Variants in ZHX3 observed in about 807,000 individuals in gnomAD.
ZHX3 encodes the protein zinc fingers and homeoboxes protein 3.
Under a neutral mutation model 64.5 loss-of-function variants are expected in ZHX3, and 20 were observed. That is an observed-to-expected ratio of 0.31 (90% CI 0.22 to 0.45). The LOEUF is 0.45. ZHX3 is among the 20% of genes least tolerant of loss of function. The pLI is 1.00. For missense variants in ZHX3, 1,041 were observed against 1,195.8 expected (o/e 0.87, Z 1.91); for synonymous variants, 423 against 461.6 (o/e 0.92, Z 1.07).
chr20:41,178,651 C>T lies in ZHX3; in HGVS notation c.*6540G>A, dbSNP rs1299841607. On this transcript the variant is annotated 3_prime_UTR_variant, in exon 4 of 4. Coordinates refer to ENST00000683867, the MANE Select transcript of ZHX3 (RefSeq NM_001384317.1). ...ACCTCGTGAGGCCTGGAGATTCAGC[C>T]CCAAGAGGGCAACCCCACTCCTGCC... 1.3e-5 allele frequency: 2 copies of T among 152,646 alleles called. No homozygotes were observed. The highest frequency in any genetic ancestry group is 4.8e-5 in the African/African-American group (2 of 41,456). 9.5% of individuals were successfully genotyped at this position (152,646 alleles called of 1,614,324 possible). A position where few individuals can be genotyped will look rare whatever the true frequency, so the allele number is the denominator to read the frequency against.
chr20:41,309,585 C>T (rs759762044), intron 1 of ZHX3, among the ~76,000 whole-genome samples: 1 of 152,104 alleles, frequency 6.6e-6, no homozygotes, highest in Non-Finnish European at 1.5e-5. Flanking sequence ...GGGCCATGGC[C>T]GACTCCTTCC....
At chr20:41,197,570 G>A (rs1315466005) in intron 3 of ZHX3, among the ~76,000 whole-genome samples, 2 of 151,506 alleles carry the variant, frequency 1.3e-5, no homozygotes, top group East Asian at 1.9e-4. Flanking sequence ...TATCTAACAT[G>A]AGTCTCTTAA....
At chr20:41,196,416 TA>T (rs1490328746) in intron 3 of ZHX3, among the ~76,000 whole-genome samples, 7 of 48,432 alleles carry the variant, frequency 1.4e-4, no homozygotes, top group Middle Eastern at 9.4e-3. Flanking sequence ...ATATTATATA[TA>T]ATATATATTT....
At chr20:41,313,806 C>G (rs544110014) in intron 1 of ZHX3, among the ~76,000 whole-genome samples, 3 of 152,264 alleles carry the variant, frequency 2.0e-5, no homozygotes, top group Non-Finnish European at 4.4e-5. Context: ...CCGTGTTAGC[C>G]AGGATGGTCT....
rs180702078 is a variant in ZHX3 at position 41,255,741 on chromosome 20, A to C, written c.-151+13249T>G. 3.5e-4 allele frequency among the ~76,000 whole-genome samples: 53 copies of C among 152,326 alleles called. 2 individuals carry two copies. In the East Asian group the frequency reaches 4.2e-3, roughly 12 times the overall value. On this transcript the variant is annotated intron_variant, in intron 2 of 3. Transcript: ENST00000683867. ...TTAGTGCCACTCTAGTTGTTTCACT[A>C]CTTTGAGGTTACAACTTGGAATCTG...
intron 2 of ZHX3, among the ~76,000 whole-genome samples, chr20:41,258,253 GC>G (rs2042371710): frequency 6.6e-6 from 1 of 152,126 alleles, no homozygotes; most frequent in Non-Finnish European, 1.5e-5. Flanking sequence ...CAGAAAAGTT[GC>G]AAAAATCGTA....
At chr20:41,280,720 A>C (rs918764107) in intron 1 of ZHX3, among the ~76,000 whole-genome samples, 1 of 152,184 alleles carries the variant, frequency 6.6e-6, no homozygotes, top group Non-Finnish European at 1.5e-5. Flanking sequence ...CCAGGCCAAA[A>C]AAATTTCTTA....
intron 1 of ZHX3, among the ~76,000 whole-genome samples, chr20:41,295,712 G>A (rs992394991): frequency 1.3e-5 from 2 of 152,050 alleles, no homozygotes; most frequent in Non-Finnish European, 2.9e-5. Context: ...TTAGCCAGGC[G>A]TGGTAGCGGG....
chr20:41,230,698 T>C (rs572993059), intron 2 of ZHX3, among the ~76,000 whole-genome samples: 16 of 152,372 alleles, frequency 1.1e-4, no homozygotes, highest in Non-Finnish European at 2.2e-4. Flanking sequence ...TTAATTTGAC[T>C]TGTGTTTCTT....
chr20:41,218,778 G>T (rs796075300), intron 2 of ZHX3, among the ~76,000 whole-genome samples: 1 of 152,268 alleles, frequency 6.6e-6, no homozygotes, highest in African/African-American at 2.4e-5. Context: ...ATCCTCAAAT[G>T]TCAAAGCAAT....
At chr20:41,263,128 ATAAAT>A (rs2042643029) in intron 2 of ZHX3, among the ~76,000 whole-genome samples, 1 of 152,190 alleles carries the variant, frequency 6.6e-6, no homozygotes, top group Non-Finnish European at 1.5e-5. Flanking sequence ...AATAGCAATA[ATAAAT>A]TAAAGAGTAT....
intron 2 of ZHX3, among the ~76,000 whole-genome samples, chr20:41,260,815 A>C (rs184431600): frequency 1.3e-5 from 2 of 152,360 alleles, no homozygotes; most frequent in East Asian, 3.9e-4. Context: ...TTTACAGATG[A>C]GAAAATTGAG....
At chr20:41,267,520 T>C (rs991439791) in intron 2 of ZHX3, 4 of 152,206 alleles carry the variant, frequency 2.6e-5, no homozygotes, top group African/African-American at 7.2e-5. Context: ...TTGCCCTCAA[T>C]GAGGATTTCA....
intron 2 of ZHX3, among the ~76,000 whole-genome samples, chr20:41,267,256 G>A (rs2042908115): frequency 1.4e-5 from 2 of 138,148 alleles, no homozygotes; most frequent in Admixed American, 1.4e-4. Flanking sequence ...TCCTAAAGTG[G>A]CTATAAATTA....
At chr20:41,296,422 G>C (rs1474192225) in intron 1 of ZHX3, among the ~76,000 whole-genome samples, 1 of 151,960 alleles carries the variant, frequency 6.6e-6, no homozygotes, top group Admixed American at 6.6e-5. Flanking sequence ...AGTTGACTTA[G>C]GGCCAAGAGA....
chr20:41,277,508 T>C (rs2043441580), intron 1 of ZHX3, among the ~76,000 whole-genome samples: 1 of 152,168 alleles, frequency 6.6e-6, no homozygotes, highest in African/African-American at 2.4e-5. Flanking sequence ...GTATATAAAT[T>C]TATATTGAGT....
chr20:41,241,304 G>A (rs1246039383), intron 2 of ZHX3, among the ~76,000 whole-genome samples: 1 of 152,162 alleles, frequency 6.6e-6, no homozygotes, highest in Middle Eastern at 3.2e-3. Context: ...CCATTTGTAT[G>A]TCTTCTGAGA....
chr20:41,207,666 A>G (rs1035293282), intron 2 of ZHX3, among the ~76,000 whole-genome samples: 1 of 152,284 alleles, frequency 6.6e-6, no homozygotes, highest in African/African-American at 2.4e-5. Context: ...GACACAACAT[A>G]CCAGAATCTC....
chr20:41,240,673 C>T (rs2041323355), intron 2 of ZHX3, among the ~76,000 whole-genome samples: 1 of 152,140 alleles, frequency 6.6e-6, no homozygotes, highest in Admixed American at 6.5e-5. Context: ...ACTACCCTTC[C>T]CAGCCTCTGG....
Sources: allele counts gnomAD v4.1 joint callset (sites outside exome capture counted in the v4.1 genomes callset), GRCh38; gene constraint gnomAD v4.1.1; transcripts MANE v1.5; gene names NCBI Gene and HGNC (gene_info 2026-07-23, HGNC 2026-07-21).